The following GTF2IRD1 variants were observed in gnomAD, a reference collection of about 807,000 sequenced individuals.
GTF2IRD1 encodes the protein GTF2I repeat domain containing 1.
GTF2IRD1 carries 26 observed loss-of-function variants against 113.2 expected under a neutral mutation model. That is an observed-to-expected ratio of 0.23 (90% CI 0.17 to 0.32). GTF2IRD1 has a LOEUF of 0.32. GTF2IRD1 is among the 10% of genes least tolerant of loss of function. GTF2IRD1 has a pLI of 1.00. For missense variants in GTF2IRD1, 864 were observed against 1,280.8 expected, an observed-to-expected ratio of 0.67 and a Z score of 4.97; for synonymous variants, 484 against 529.1, an observed-to-expected ratio of 0.91 and a Z score of 1.17.
At chr7:74,557,258 G>C (rs587721259) in intron 19 of GTF2IRD1, among the ~76,000 whole-genome samples, 1 of 152,258 alleles carries the variant, frequency 6.6e-6, no homozygotes, top group African/African-American at 2.4e-5. Flanking sequence ...TAGATCAGCT[G>C]GGCTTCCATT....
At chr7:74,456,285 T>G (rs1392907096) in intron 1 of GTF2IRD1, among the ~76,000 whole-genome samples, 2 of 152,172 alleles carry the variant, frequency 1.3e-5, no homozygotes, top group Non-Finnish European at 2.9e-5. Flanking sequence ...GCTTGGGACA[T>G]TCACGTCCTA....
In GTF2IRD1 at chr7:74,515,594, A is replaced by G; in HGVS notation, c.419A>G (p.Tyr140Cys). The change falls in exon 4 of 27, where the codon TAT becomes TGT. Residue 140 changes from tyrosine to cysteine, a missense_variant and splice_region_variant. Tyr to Cys is a radical substitution (Grantham distance 194). Coordinates refer to ENST00000424337, the MANE Select transcript of GTF2IRD1 (RefSeq NM_005685.4). ...GTAGAGGAGGTGTTTGATGTTCTTT[A>G]TAGTAAGATCCTTCCTCATTCCATT... ...KMVEEVFDVLYSEALGRASVV... is the reference protein window; with the variant it reads ...KMVEEVFDVLCSEALGRASVV... The G allele has an allele frequency of 6.2e-7, 1 of 1,608,302 alleles. No individual in the cohort carries two copies. Among genetic ancestry groups the G allele is most frequent in the Non-Finnish European group, 8.5e-7 (1 of 1,175,704 alleles).
intron 1 of GTF2IRD1, among the ~76,000 whole-genome samples, chr7:74,470,667 C>T (rs1794026447): frequency 6.6e-6 from 1 of 152,176 alleles, no homozygotes; most frequent in Non-Finnish European, 1.5e-5. Flanking sequence ...ACTGGAACAT[C>T]CATACTGTGG....
intron 1 of GTF2IRD1, among the ~76,000 whole-genome samples, chr7:74,459,274 A>T (rs1344811883): frequency 2.0e-5 from 3 of 152,110 alleles, no homozygotes; most frequent in Non-Finnish European, 4.4e-5. Context: ...CCTGGCCAAC[A>T]CGGTGAAACC....
At chr7:74,494,829 G>A (rs1446671743) in intron 1 of GTF2IRD1, among the ~76,000 whole-genome samples, 1 of 152,170 alleles carries the variant, frequency 6.6e-6, no homozygotes, top group Non-Finnish European at 1.5e-5. Flanking sequence ...ACAGTTCACT[G>A]TAGCCTCCAC....
chr7:74,475,118 G>A (rs1188453268), intron 1 of GTF2IRD1, among the ~76,000 whole-genome samples: 1 of 152,098 alleles, frequency 6.6e-6, no homozygotes, highest in African/African-American at 2.4e-5. Flanking sequence ...AGCTGGACAC[G>A]ATGGCACACA....
At chr7:74,575,447 A>C (rs1177522782) in intron 22 of GTF2IRD1, among the ~76,000 whole-genome samples, 5 of 152,218 alleles carry the variant, frequency 3.3e-5, no homozygotes, top group African/African-American at 1.2e-4. Flanking sequence ...GAGTCGGTGC[A>C]GTTCTGAGCA....
chr7:74,498,705 CCTT>C (rs1234683251), intron 1 of GTF2IRD1, among the ~76,000 whole-genome samples: 1 of 150,820 alleles, frequency 6.6e-6, no homozygotes, highest in Non-Finnish European at 1.5e-5. Flanking sequence ...CTCTGCTTGT[CCTT>C]CTTTCGTGGT....
chr7:74,478,005 C>T (rs998007410), intron 1 of GTF2IRD1, among the ~76,000 whole-genome samples: 13 of 152,184 alleles, frequency 8.5e-5, no homozygotes, highest in African/African-American at 2.9e-4. Flanking sequence ...GGTTTCCTCC[C>T]ACTGTCTCCT....
intron 22 of GTF2IRD1, among the ~76,000 whole-genome samples, chr7:74,584,865 G>A (rs1188413071): frequency 7.9e-5 from 12 of 152,048 alleles, no homozygotes; most frequent in South Asian, 2.1e-4. Flanking sequence ...ACGATGGCGC[G>A]ATCTTGGCTC....
intron 1 of GTF2IRD1, among the ~76,000 whole-genome samples, chr7:74,488,798 G>T (rs1405594937): frequency 5.3e-5 from 8 of 151,434 alleles, no homozygotes; most frequent in Non-Finnish European, 8.8e-5. Flanking sequence ...AGTCCTGGGG[G>T]GGTAAAAAAG....
intron 15 of GTF2IRD1, among the ~76,000 whole-genome samples, 199 bp downstream of exon 15, chr7:74,545,001 A>G (rs2074665): frequency 0.27 from 40,985 of 152,046 alleles, 5,764 homozygotes; most frequent in East Asian, 0.48. Context: ...AGAACCAGGA[A>G]GTTCCTGGTC....
chr7:74,492,921 A>G (rs1795451297), intron 1 of GTF2IRD1, among the ~76,000 whole-genome samples: 2 of 152,042 alleles, frequency 1.3e-5, no homozygotes, highest in Non-Finnish European at 1.5e-5. Context: ...ATGGATGTCC[A>G]GTCTTCCTCT....
chr7:74,529,616 C>T lies in GTF2IRD1; in HGVS notation c.1091-118C>T, dbSNP rs1039219781. 1.7e-4 allele frequency: 130 copies of T among 746,800 alleles called. 1 individual carries two copies. In the African/African-American group the frequency reaches 1.9e-3, roughly 11 times the overall value. 46.3% of individuals were successfully genotyped at this position (746,800 alleles called of 1,614,324 possible). Reference sequence around the variant, plus strand: ...GACATTTCTGCAGGATCCCTCTGGCCGCTACATGGCCAGAGTGGAGTGGGG... The same window carrying T: ...GACATTTCTGCAGGATCCCTCTGGCTGCTACATGGCCAGAGTGGAGTGGGG... On this transcript the variant is annotated intron_variant, in intron 8 of 26. Coordinates refer to ENST00000424337, the MANE Select transcript of GTF2IRD1 (RefSeq NM_005685.4).
intron 22 of GTF2IRD1, among the ~76,000 whole-genome samples, chr7:74,570,581 G>A (rs1800642402): frequency 6.6e-6 from 1 of 152,028 alleles, no homozygotes; most frequent in Non-Finnish European, 1.5e-5. Context: ...TTGAGCCCAG[G>A]AAGTCAAAGC....
chr7:74,497,065 G>A lies in GTF2IRD1; in HGVS notation c.-6-11010G>A, dbSNP rs566294783. On this transcript the variant is annotated intron_variant, in intron 1 of 26. Transcript: ENST00000424337. ...TAGTCCCAGCTGCTTGGAAGGCTGA[G>A]GTGGGAAGATGGCTTGAACCCAGGA... is the stretch of plus-strand genomic sequence containing the variant. 2.6e-5 allele frequency among the ~76,000 whole-genome samples: 4 copies of A among 152,142 alleles called. No homozygotes were observed. The South Asian group carries it at 8.3e-4, about 32-fold the overall frequency.
At chr7:74,467,954 GAC>G (rs1793826333) in intron 1 of GTF2IRD1, among the ~76,000 whole-genome samples, 1 of 152,146 alleles carries the variant, frequency 6.6e-6, no homozygotes, top group African/African-American at 2.4e-5. Flanking sequence ...GGGCTATTTA[GAC>G]ACACATGCTT....
intron 22 of GTF2IRD1, among the ~76,000 whole-genome samples, chr7:74,573,524 TC>T (rs1192539773): frequency 4.0e-5 from 6 of 151,882 alleles, no homozygotes; most frequent in Non-Finnish European, 1.5e-5. Context: ...AGAAACCCTT[TC>T]CCCAGCGAAG....
intron 1 of GTF2IRD1, among the ~76,000 whole-genome samples, chr7:74,496,095 T>TGTGTGCATATGTGTGTATGCATGTGTGA (rs1795649616): frequency 6.6e-6 from 1 of 151,650 alleles, no homozygotes; most frequent in Non-Finnish European, 1.5e-5. Context: ...TGCATGCATG[T>TGTGTGCATATGTGTGTATGCATGTGTGA]GTGTGCATAT....
Sources: gnomAD v4.1 joint callset for allele counts (sites outside exome capture counted in the v4.1 genomes callset) on GRCh38, gnomAD v4.1.1 for gene constraint, MANE v1.5 for transcripts, NCBI Gene and HGNC (gene_info 2026-07-23, HGNC 2026-07-21) for gene names.